The following MPRIP variants were observed in gnomAD, a reference collection of about 807,000 sequenced individuals.
MPRIP encodes myosin phosphatase Rho interacting protein, also known as myosin phosphatase Rho-interacting protein.
MPRIP carries 59 observed loss-of-function variants against 234.9 expected under a neutral mutation model. That is an observed-to-expected ratio of 0.25 (90% CI 0.20 to 0.31). The LOEUF is 0.31. Among genes scored for constraint, MPRIP ranks in the 10% least tolerant of loss-of-function variants. The pLI, the probability that MPRIP is intolerant of heterozygous loss-of-function variation, is 1.00. For missense variants in MPRIP, 2,436 were observed against 3,071.0 expected (o/e 0.79, Z 4.89); for synonymous variants, 1,144 against 1,263.9 (o/e 0.91, Z 2.01).
intron 1 of MPRIP, among the ~76,000 whole-genome samples, chr17:17,060,770 G>A (rs927432991): frequency 2.0e-5 from 3 of 152,186 alleles, no homozygotes; most frequent in African/African-American, 7.2e-5. Context: ...AAACACTTGC[G>A]GGGGCTGTAG....
At chr17:17,175,191 A>C in intron 19 of MPRIP, 102 bp from the exon 20 acceptor site, 2 of 1,552,306 alleles carry the variant, frequency 1.3e-6, no homozygotes, top group Admixed American at 3.4e-5. Flanking sequence ...ACGCAGTTCC[A>C]CAGATACACA....
rs1348995283 is a variant in MPRIP at position 17,185,466 on chromosome 17, A to AC, written c.*576dup. On this transcript the variant is annotated 3_prime_UTR_variant, in exon 24 of 24. Coordinates refer to ENST00000651222, the MANE Select transcript of MPRIP (RefSeq NM_001364716.4). The stretch of plus-strand genomic sequence containing the variant: ...TTCCACTGATGCAGCTTAGAACCAC[A>AC]CCCCTGAGAGTCGTGGCAAACCTTT... The AC allele has an allele frequency of 2.2e-6, 1 of 457,004 alleles. No individual in the cohort carries two copies. Among genetic ancestry groups the AC allele is most frequent in the South Asian group, 1.5e-5 (1 of 64,546 alleles). The allele number at this position is 457,004 out of a possible 1,614,324, so 28.3% of individuals were successfully genotyped here. A position where few individuals can be genotyped will look rare whatever the true frequency, so the allele number is the denominator to read the frequency against.
chr17:17,145,408 G>C (rs560775257), intron 9 of MPRIP, among the ~76,000 whole-genome samples: 60 of 152,372 alleles, frequency 3.9e-4, no homozygotes, highest in African/African-American at 1.4e-3. Flanking sequence ...GTCTCAGGCT[G>C]TTCCTCAGGG....
rs1441639835 is a variant in MPRIP at position 17,191,626 on chromosome 17, G to A, written c.*6732G>A. On this transcript the variant is annotated 3_prime_UTR_variant, in exon 24 of 24. Coordinates refer to ENST00000651222, the MANE Select transcript of MPRIP (RefSeq NM_001364716.4). ...CAGCCTCAGTGGGGGCCTTCCCCAG[G>A]CGCAGCTCGGCCACCTGAGGAAAGG... 1 of 152,260 alleles carries A rather than the reference G, an allele frequency of 6.6e-6. No homozygotes were observed. The highest frequency in any genetic ancestry group is 2.4e-5 in the African/African-American group (1 of 41,462). 9.4% of individuals were successfully genotyped at this position (152,260 alleles called of 1,614,324 possible).
chr17:17,165,359 A>G lies in MPRIP; in HGVS notation c.3768A>G (p.Leu1256=). The part of the protein sequence containing the change: ...GQPVQATRAP[L]GLPHTRLEDE... ...CAGTCCAAGCCACTAGGGCACCTCT[A>G]GGCCTCCCACACACAAGGCTCGAGG... The change falls in exon 16 of 24, where the codon CTA becomes CTG. Residue 1256 remains leucine, a synonymous_variant. Transcript: ENST00000651222. 1.5e-6 allele frequency: 2 copies of G among 1,304,172 alleles called. No homozygotes were observed. The highest frequency in any genetic ancestry group is 1.5e-5 in the African/African-American group (1 of 66,004). 80.8% of individuals were successfully genotyped at this position (1,304,172 alleles called of 1,614,324 possible).
intron 1 of MPRIP, among the ~76,000 whole-genome samples, chr17:17,046,262 G>A (rs946865092): frequency 2.6e-5 from 4 of 152,224 alleles, no homozygotes; most frequent in Admixed American, 2.6e-4. Context: ...CTTTAGGAGT[G>A]TACTATAATT....
At chr17:17,139,209 T>G (rs148163151) in intron 7 of MPRIP, among the ~76,000 whole-genome samples, 3,457 of 152,302 alleles carry the variant, frequency 0.023, 105 homozygotes, top group Middle Eastern at 0.085. Flanking sequence ...TTGGATGTCC[T>G]CTGAGGCCTC....
chr17:17,085,641 T>TGGTGG (rs1260527834), intron 3 of MPRIP, among the ~76,000 whole-genome samples: 38 of 152,286 alleles, frequency 2.5e-4, no homozygotes, highest in African/African-American at 8.7e-4. Flanking sequence ...CGGCTGGGTG[T>TGGTGG]GGTGGCTCAC....
At chr17:17,075,928 T>C (rs2089317783) in intron 2 of MPRIP, 141 bp downstream of exon 2, 1 of 758,562 alleles carries the variant, frequency 1.3e-6, no homozygotes, top group South Asian at 1.7e-5. Context: ...CCCCATTTGG[T>C]GCACTTGTAC....
chr17:17,060,631 C>T (rs1260822264), intron 1 of MPRIP, among the ~76,000 whole-genome samples: 2 of 152,220 alleles, frequency 1.3e-5, no homozygotes, highest in Non-Finnish European at 2.9e-5. Context: ...TGCAGACCTG[C>T]CCTCGTGCTC....
In MPRIP at chr17:17,186,771, T is replaced by G. The variant is rs1597541397; in HGVS notation, c.*1877T>G. ...CCTGACCATTTAGATTGGCAGTGCTTTGAGAAATGCACTATGACCTTTCTG... is the reference window on the plus strand; with the variant it reads ...CCTGACCATTTAGATTGGCAGTGCTGTGAGAAATGCACTATGACCTTTCTG... On this transcript the variant is annotated 3_prime_UTR_variant, in exon 24 of 24. Coordinates refer to ENST00000651222, the MANE Select transcript of MPRIP (RefSeq NM_001364716.4). 6.6e-6 allele frequency: 1 copy of G among 152,184 alleles called. No individual in the cohort carries two copies. Among genetic ancestry groups the G allele is most frequent in the African/African-American group, 2.4e-5 (1 of 41,432 alleles). The allele number at this position is 152,184 out of a possible 1,614,324, so 9.4% of individuals were successfully genotyped here.
In MPRIP at chr17:17,175,276, G is replaced by C. The variant is rs750542507; in HGVS notation, c.6751-17G>C. 3.1e-6 allele frequency: 5 copies of C among 1,612,978 alleles called. No individual in the cohort carries two copies. In the East Asian group the frequency reaches 8.9e-5, roughly 29 times the overall value. On this transcript the variant is annotated splice_polypyrimidine_tract_variant and intron_variant, in intron 19 of 23. Coordinates refer to ENST00000651222, the MANE Select transcript of MPRIP (RefSeq NM_001364716.4). Reference sequence around the variant, plus strand: ...CAGGCAGCTCTGGAGTGTCACTGTTGTGTTGCTGTCCCCCAGGAGCTGAAC... The same window carrying C: ...CAGGCAGCTCTGGAGTGTCACTGTTCTGTTGCTGTCCCCCAGGAGCTGAAC...
intron 5 of MPRIP, among the ~76,000 whole-genome samples, chr17:17,134,803 C>A (rs746448989): frequency 2.7e-4 from 41 of 152,312 alleles, no homozygotes; most frequent in Non-Finnish European, 5.1e-4. Context: ...TCAGCGCCTG[C>A]GGCCTCCCTT....
Position 17,177,341 on chromosome 17 carries a change from A to G in MPRIP, c.7049A>G (p.Lys2350Arg), listed in dbSNP as rs2046277036. The change falls in exon 22 of 24, where the codon AAG (lysine) becomes AGG (arginine). Residue 2350 changes from lysine to arginine, a missense_variant. Physicochemically the swap from Lys to Arg is conservative, Grantham distance 26 (BLOSUM62 2). This residue lies in a region of MPRIP where 1,998 missense variants were observed against 2,520.3 expected (regional missense o/e 0.79). Transcript: ENST00000651222. ...AKADCDISRL[K>R]EQLKAATEAL... ...GCTGACTGTGACATCAGCAGGTTGA[A>G]GGAGCAGCTCAAGGCTGCAACGGAA... The G allele has an allele frequency of 6.2e-7, 1 of 1,613,882 alleles. No individual in the cohort carries two copies. Among genetic ancestry groups the G allele is most frequent in the African/African-American group, 1.3e-5 (1 of 74,956 alleles).
intron 9 of MPRIP, among the ~76,000 whole-genome samples, chr17:17,143,926 C>T (rs1004751127): frequency 6.6e-6 from 1 of 152,162 alleles, no homozygotes; most frequent in Non-Finnish European, 1.5e-5. Context: ...GAGGCCACCT[C>T]GGGCTAGGCA....
Position 17,188,427 on chromosome 17 carries a change from A to C in MPRIP, c.*3533A>C, listed in dbSNP as rs1168075847. 6.9e-6 allele frequency: 1 copy of C among 145,054 alleles called. No individual in the cohort carries two copies. Among genetic ancestry groups the C allele is most frequent in the Non-Finnish European group, 1.5e-5 (1 of 68,072 alleles). The allele number at this position is 145,054 out of a possible 1,614,324, so 9.0% of individuals were successfully genotyped here. A position where few individuals can be genotyped will look rare whatever the true frequency, so the allele number is the denominator to read the frequency against. On this transcript the variant is annotated 3_prime_UTR_variant, in exon 24 of 24. Transcript: ENST00000651222. ...GAGAGCAAGGCCCCACAGCCTGCTT[A>C]GTGAGTTGGAAGGCCCAGCAAGAAC...
intron 12 of MPRIP, among the ~76,000 whole-genome samples, chr17:17,151,860 G>A (rs973842880): frequency 4.6e-5 from 7 of 152,248 alleles, no homozygotes; most frequent in African/African-American, 1.7e-4. Flanking sequence ...GCCCCCATGG[G>A]GCTGGGCCCT....
At chr17:17,103,506 G>C (rs781034797) in intron 3 of MPRIP, among the ~76,000 whole-genome samples, 2 of 152,170 alleles carry the variant, frequency 1.3e-5, no homozygotes, top group Non-Finnish European at 2.9e-5. Flanking sequence ...CTCTTTTTAC[G>C]TGGAAAGAGC....
intron 13 of MPRIP, among the ~76,000 whole-genome samples, chr17:17,155,325 T>C (rs2045704422): frequency 6.6e-6 from 1 of 152,014 alleles, no homozygotes; most frequent in East Asian, 1.9e-4. Context: ...TGATCTCGGC[T>C]CGCTGCAACC....
Sources: allele counts gnomAD v4.1 joint callset (sites outside exome capture counted in the v4.1 genomes callset), GRCh38; gene constraint gnomAD v4.1.1; regional missense constraint gnomAD v4.1.1; transcripts MANE v1.5; gene names NCBI Gene and HGNC (gene_info 2026-07-23, HGNC 2026-07-21).